PPP1R12B: variants seen among roughly 807,000 people sequenced by gnomAD.
PPP1R12B encodes the protein protein phosphatase 1 regulatory subunit 12B.
Under a neutral mutation model 126.1 loss-of-function variants are expected in PPP1R12B, and 76 were observed. The observed-to-expected ratio is 0.60, with a 90% CI of 0.50 to 0.73. The LOEUF (loss-of-function observed/expected upper bound fraction) is 0.73, where lower values mean the gene tolerates loss of function less well. PPP1R12B is among the 30% of genes least tolerant of loss of function. The pLI is 0.00. For synonymous variants in PPP1R12B, 356 were observed against 434.7 expected, an observed-to-expected ratio of 0.82 and a Z score of 2.25; for missense variants, 1,052 against 1,205.1, an observed-to-expected ratio of 0.87 and a Z score of 1.88.
At position 202,479,015 on chromosome 1, in the gene PPP1R12B, G is replaced by A. The variant is rs546081549; in HGVS notation, c.1851-9518G>A. Among the ~76,000 whole-genome samples the A allele has an allele frequency of 3.9e-5, 6 of 152,332 alleles. No homozygotes were observed. The East Asian group carries it at 1.2e-3, about 29-fold the overall frequency. On this transcript the variant is annotated intron_variant, in intron 13 of 23. Transcript: ENST00000608999. ...TATGTTTTGCAGGTAGAAATAACAC[G>A]TGAGTAGGTTTGCTGGTAATCTAGA...
chr1:202,403,108 A>G (rs1666090219), intron 1 of PPP1R12B, among the ~76,000 whole-genome samples: 1 of 152,196 alleles, frequency 6.6e-6, no homozygotes, highest in Non-Finnish European at 1.5e-5. Context: ...GGGGATGGGC[A>G]GGTAATACAA....
At chr1:202,417,896 C>G (rs1317632518) in intron 2 of PPP1R12B, among the ~76,000 whole-genome samples, 1 of 152,146 alleles carries the variant, frequency 6.6e-6, no homozygotes, top group Non-Finnish European at 1.5e-5. Context: ...AAGGGAGAGC[C>G]TGAGTTGCTA....
At chr1:202,442,688 T>A in intron 12 of PPP1R12B, 116 bp downstream of exon 12, 1 of 1,135,388 alleles carries the variant, frequency 8.8e-7, no homozygotes, top group Non-Finnish European at 1.2e-6. Context: ...CAAAATGAAT[T>A]ACTTTCAGGT....
chr1:202,413,299 T>C (rs529518875), intron 1 of PPP1R12B, among the ~76,000 whole-genome samples: 6 of 152,284 alleles, frequency 3.9e-5, no homozygotes, highest in African/African-American at 1.4e-4. Flanking sequence ...AAATCACCCT[T>C]TTTTCATTCA....
intron 13 of PPP1R12B, among the ~76,000 whole-genome samples, chr1:202,476,655 C>T (rs1193341322): frequency 6.6e-6 from 1 of 151,662 alleles, no homozygotes; most frequent in African/African-American, 2.4e-5. Context: ...TGCACTCCAG[C>T]CTGGGAGACG....
At chr1:202,546,258 G>A (rs1010475428) in intron 18 of PPP1R12B, among the ~76,000 whole-genome samples, 13 of 152,242 alleles carry the variant, frequency 8.5e-5, no homozygotes, top group Non-Finnish European at 1.8e-4. Context: ...CCTGAGAGAG[G>A]GCAGAGTCAG....
chr1:202,434,689 A>C lies in PPP1R12B; in HGVS notation c.1175A>C (p.Asn392Thr), dbSNP rs552381159. Residue 392 changes from asparagine to threonine, a missense_variant, in exon 9 of 24, where the codon AAC (asparagine) becomes ACC (threonine). Coordinates refer to ENST00000608999, the MANE Select transcript of PPP1R12B (RefSeq NM_002481.4). ...KKPEAFVNHSNSESKSSITEQ... is the reference protein window; with the variant it reads ...KKPEAFVNHSTSESKSSITEQ... The stretch of plus-strand genomic sequence containing the variant: ...CCAGAAGCCTTTGTCAATCATTCCA[A>C]CTCTGAAAGCAAGAGTAGTATCACA... The C allele has an allele frequency of 1.2e-6, 2 of 1,613,358 alleles. No homozygotes were observed. Among genetic ancestry groups the C allele is most frequent in the African/African-American group, 2.7e-5 (2 of 74,872 alleles).
chr1:202,524,931 G>A lies in PPP1R12B; in HGVS notation c.2490+28109G>A, dbSNP rs867138372. ...CTCACTCTGTCACCCAGGTTGGAGT[G>A]CGGTGACGCGATCTTGGCTCACTGC... On this transcript the variant is annotated intron_variant, in intron 18 of 23. Transcript: ENST00000608999. Among the ~76,000 whole-genome samples, 48 of 152,292 alleles carry A rather than the reference G, an allele frequency of 3.2e-4. 1 individual carries two copies. The Middle Eastern group carries it at 0.01, about 32-fold the overall frequency.
chr1:202,519,839 A>G (rs1682583177), intron 18 of PPP1R12B, among the ~76,000 whole-genome samples: 1 of 152,164 alleles, frequency 6.6e-6, no homozygotes. Context: ...ACATGTTTGT[A>G]GAAAAGAACT....
intron 1 of PPP1R12B, among the ~76,000 whole-genome samples, chr1:202,410,613 T>G (rs1667260762): frequency 6.6e-6 from 1 of 152,228 alleles, no homozygotes; most frequent in Non-Finnish European, 1.5e-5. Flanking sequence ...CAGCCACTTT[T>G]GCCTTTGATA....
At chr1:202,558,352 C>T (rs556879179) in intron 18 of PPP1R12B, among the ~76,000 whole-genome samples, 3 of 151,956 alleles carry the variant, frequency 2.0e-5, no homozygotes, top group Non-Finnish European at 4.4e-5. Flanking sequence ...TTTCTCCCCT[C>T]TCCCTTACTC....
chr1:202,432,222 T>C (rs1468487658), intron 8 of PPP1R12B, among the ~76,000 whole-genome samples: 1 of 151,962 alleles, frequency 6.6e-6, no homozygotes, highest in Non-Finnish European at 1.5e-5. Context: ...AGGAACAAAA[T>C]CATATTTACC....
intron 11 of PPP1R12B, 102 bp from the exon 12 acceptor site, chr1:202,442,345 A>G (rs1019895962): frequency 1.1e-5 from 14 of 1,308,840 alleles, no homozygotes; most frequent in Middle Eastern, 2.4e-4. Flanking sequence ...TCTATTAGCC[A>G]TGTTATAGTT....
At chr1:202,546,856 T>C (rs1685697385) in intron 18 of PPP1R12B, among the ~76,000 whole-genome samples, 1 of 152,210 alleles carries the variant, frequency 6.6e-6, no homozygotes, top group African/African-American at 2.4e-5. Flanking sequence ...AAGGAAGGGC[T>C]GAGAGTAAAC....
intron 1 of PPP1R12B, among the ~76,000 whole-genome samples, chr1:202,350,630 T>C (rs1036498784): frequency 1.6e-4 from 24 of 151,896 alleles, no homozygotes; most frequent in Non-Finnish European, 2.6e-4. Context: ...TTTTTCTTTT[T>C]TTTTTTTTGA....
At chr1:202,492,741 T>G (rs1023740288) in intron 14 of PPP1R12B, among the ~76,000 whole-genome samples, 2 of 152,164 alleles carry the variant, frequency 1.3e-5, no homozygotes, top group Non-Finnish European at 2.9e-5. Context: ...TATCTGCTGT[T>G]TAGGAAATCT....
At position 202,376,018 on chromosome 1, in the gene PPP1R12B, G is replaced by C. The variant is rs370546214; in HGVS notation, c.291+26876G>C. Among the ~76,000 whole-genome samples, 3 of 152,254 alleles carry C rather than the reference G, an allele frequency of 2.0e-5. No individual in the cohort carries two copies. The East Asian group carries it at 5.8e-4, about 29-fold the overall frequency. ...CTATGGCAGTATCTATTAAGTCTTA[G>C]GCATTGGGAATAAAGATTTGTTCAA... On this transcript the variant is annotated intron_variant, in intron 1 of 23. Coordinates refer to ENST00000608999, the MANE Select transcript of PPP1R12B (RefSeq NM_002481.4).
chr1:202,560,881 AT>A (rs925530590), intron 19 of PPP1R12B, among the ~76,000 whole-genome samples: 7 of 152,300 alleles, frequency 4.6e-5, no homozygotes, highest in African/African-American at 1.7e-4. Context: ...GTGGGAAAAA[AT>A]ATTTGCTGCC....
At chr1:202,424,365 C>G (rs1340546221) in intron 3 of PPP1R12B, among the ~76,000 whole-genome samples, 1 of 151,440 alleles carries the variant, frequency 6.6e-6, no homozygotes, top group Admixed American at 6.6e-5. Context: ...ACTGTGTCTC[C>G]CAGGCTGGAG....
Sources: allele counts gnomAD v4.1 joint callset (sites outside exome capture counted in the v4.1 genomes callset), GRCh38; gene constraint gnomAD v4.1.1; transcripts MANE v1.5; gene names NCBI Gene and HGNC (gene_info 2026-07-23, HGNC 2026-07-21).